PSMD7: variants seen among roughly 807,000 people sequenced by gnomAD.
PSMD7 encodes 26S proteasome non-ATPase regulatory subunit 7.
PSMD7 carries 13 observed loss-of-function variants against 36.4 expected under a neutral mutation model. The ratio of observed to expected loss-of-function variants is 0.36; its 90% CI spans 0.23 to 0.57. The LOEUF is 0.57. Ranked by LOEUF, PSMD7 falls within the 20% of genes least tolerant of loss-of-function variation. The probability of loss-of-function intolerance (pLI) is 0.83; values close to 1 mark genes in which losing one functional copy is unlikely to be tolerated. For missense variants in PSMD7, 298 were observed against 393.6 expected (o/e 0.76, Z 2.06); for synonymous variants, 186 against 151.0 (o/e 1.23, Z -1.70).
At chr16:74,299,662 G>A (rs572482630) in intron 1 of PSMD7, 126 of 421,388 alleles carry the variant, frequency 3.0e-4, no homozygotes, top group Non-Finnish European at 5.4e-4. Flanking sequence ...TCGAAGTGCT[G>A]GGATTACAGG....
At position 74,301,083 on chromosome 16, in the gene PSMD7, T is replaced by C. The variant is rs575462071; in HGVS notation, c.198T>C (p.Ser66=). ...VPFDEDDKDD[S]VWFLDHDYLE... is the part of the protein sequence containing the mutation. ...TTGATGAAGATGACAAAGACGATTC[T>C]GTATGGTTTTTAGACCATGATTATT... is the stretch of plus-strand genomic sequence containing the variant. Residue 66 remains serine (S), a synonymous_variant, in exon 3 of 7, where the codon TCT becomes TCC. Transcript: ENST00000219313. 3 of 1,613,272 alleles carry C rather than the reference T, an allele frequency of 1.9e-6. No individual in the cohort carries two copies. Among genetic ancestry groups the C allele is most frequent in the African/African-American group, 2.7e-5 (2 of 75,034 alleles).
At chr16:74,301,706 CAAGT>C (rs2034156697) in intron 4 of PSMD7, 54 bp downstream of exon 4, 8 of 1,391,170 alleles carry the variant, frequency 5.8e-6, no homozygotes, top group African/African-American at 1.4e-5. Flanking sequence ...CCAGCCAGCT[CAAGT>C]AAGAGCATCC....
At position 74,296,874 on chromosome 16, in the gene PSMD7, G is replaced by T. The variant is rs754402117; in HGVS notation, c.-41G>T. 6.2e-7 allele frequency: 1 copy of T among 1,607,364 alleles called. No individual in the cohort carries two copies. The highest frequency in any genetic ancestry group is 8.5e-7 in the Non-Finnish European group (1 of 1,176,530). On this transcript the variant is annotated 5_prime_UTR_variant, in exon 1 of 7. Transcript: ENST00000219313. ...GACCGCTACTGCTGCCGGTGTTTGCGTGTGGCAGGGAGCCAGGCCTGGCGA... is the reference window on the plus strand; with the variant it reads ...GACCGCTACTGCTGCCGGTGTTTGCTTGTGGCAGGGAGCCAGGCCTGGCGA...
At chr16:74,297,736 C>G (rs2034124665) in intron 1 of PSMD7, among the ~76,000 whole-genome samples, 1 of 149,238 alleles carries the variant, frequency 6.7e-6, no homozygotes, top group Non-Finnish European at 1.5e-5. Context: ...GTGAATGATG[C>G]AAAGTGAATG....
chr16:74,302,262 A>G lies in PSMD7; in HGVS notation c.408A>G (p.Glu136=), dbSNP rs761321772. ...VKPKDLGLPT[E]AYISVEEVHD... ...CGAAGGACCTAGGGCTGCCTACAGA[A>G]GCGTACATTTCAGTGGAAGAAGTCC... The change falls in exon 5 of 7, where the codon GAA becomes GAG. Residue 136 remains glutamate (E), a synonymous_variant. Transcript: ENST00000219313. 1 of 1,614,120 alleles carries G rather than the reference A, an allele frequency of 6.2e-7. No homozygotes were observed. Among genetic ancestry groups the G allele is most frequent in the Non-Finnish European group, 8.5e-7 (1 of 1,179,998 alleles).
At position 74,305,021 on chromosome 16, in the gene PSMD7, C is replaced by G. The variant is rs546395290; in HGVS notation, c.531-268C>G. 8 of 395,824 alleles carry G rather than the reference C, an allele frequency of 2.0e-5. No individual in the cohort carries two copies. In the South Asian group the frequency reaches 3.5e-4, roughly 17 times the overall value. 24.5% of individuals were successfully genotyped at this position (395,824 alleles called of 1,614,324 possible). A position where few individuals can be genotyped will look rare whatever the true frequency, so the allele number is the denominator to read the frequency against. On this transcript the variant is annotated intron_variant, in intron 6 of 6. Coordinates refer to ENST00000219313, the MANE Select transcript of PSMD7 (RefSeq NM_002811.5). ...TGTTGACCTAAGCAATTTTTTTTTC[C>G]TTAAGTGGAAATGGTTTTATTTTAG...
Position 74,302,194 on chromosome 16 carries a change from G to T in PSMD7, c.358-18G>T. 1 of 1,610,214 alleles carries T rather than the reference G, an allele frequency of 6.2e-7. No homozygotes were observed. The highest frequency in any genetic ancestry group is 8.5e-7 in the Non-Finnish European group (1 of 1,177,444). On this transcript the variant is annotated intron_variant, in intron 4 of 6. Transcript: ENST00000219313. ...TGCTGGGCGTGAGATGACTTGCTAA[G>T]ATGTGTTTCTCTGCCAGGTATTGGT...
chr16:74,304,515 C>T, intron 6 of PSMD7, 121 bp downstream of exon 6: 1 of 767,668 alleles, frequency 1.3e-6, no homozygotes, highest in Non-Finnish European at 2.1e-6. Context: ...ACTAACAAGT[C>T]TGCCATTCTG....
intron 6 of PSMD7, among the ~76,000 whole-genome samples, chr16:74,304,955 T>A (rs1168115768): frequency 1.3e-5 from 2 of 152,198 alleles, no homozygotes; most frequent in African/African-American, 2.4e-5. Context: ...AGAGACAGCT[T>A]CAGTACAAGG....
At chr16:74,300,077 C>T (rs762187200) in intron 1 of PSMD7, 38 bp from the exon 2 acceptor site, 26 of 1,542,594 alleles carry the variant, frequency 1.7e-5, no homozygotes, top group South Asian at 2.2e-5. Context: ...TGTTTCTGTG[C>T]GAGCCTATCC....
At chr16:74,302,171 C>G in intron 4 of PSMD7, 41 bp from the exon 5 acceptor site, 1 of 1,518,558 alleles carries the variant, frequency 6.6e-7, no homozygotes. Flanking sequence ...CCCTTTTGTG[C>G]TGGGCGTGAG....
At chr16:74,298,600 T>A (rs1257280809) in intron 1 of PSMD7, among the ~76,000 whole-genome samples, 1 of 152,206 alleles carries the variant, frequency 6.6e-6, no homozygotes, top group East Asian at 1.9e-4. Context: ...TGGTAGCACA[T>A]GCCTATAATC....
At position 74,296,920 on chromosome 16, in the gene PSMD7, G is replaced by A. The variant is rs1304854460; in HGVS notation, c.6G>A (p.Pro2=). 1 of 1,613,388 alleles carries A rather than the reference G, an allele frequency of 6.2e-7. No homozygotes were observed. The highest frequency in any genetic ancestry group is 1.1e-5 in the South Asian group (1 of 90,884). The change falls in exon 1 of 7, where the codon CCG becomes CCA. Residue 2 remains proline, a synonymous_variant. Transcript: ENST00000219313. The part of the protein sequence containing the change: M[P]ELAVQKVVVH... ...GGCGAGCGGGGTGTGTCGCGATGCC[G>A]GAGCTGGCAGTGCAGAAGGTGGTGG...
chr16:74,299,877 C>T (rs529927062), intron 1 of PSMD7: 2 of 551,432 alleles, frequency 3.6e-6, no homozygotes, highest in East Asian at 2.9e-5. Flanking sequence ...TTTTCCCAAG[C>T]ATGTATTACT....
chr16:74,296,979 ATT>A lies in PSMD7; in HGVS notation c.67_68del (p.Phe23GlnfsTer26). On this transcript the variant is annotated frameshift_variant, in exon 1 of 7. Coordinates refer to ENST00000219313, the MANE Select transcript of PSMD7 (RefSeq NM_002811.5). LOFTEE classifies it high-confidence loss of function. ...CTGGTGCTGCTCAGTGTGGTGGATC[ATT>A]TCAACCGGTGAGCGAGCGCCCTATA... 6.2e-7 allele frequency: 1 copy of A among 1,612,438 alleles called. No individual in the cohort carries two copies. The highest frequency in any genetic ancestry group is 8.5e-7 in the Non-Finnish European group (1 of 1,179,578).
chr16:74,302,297 G>A lies in PSMD7; in HGVS notation c.438+5G>A. 1 of 1,612,772 alleles carries A rather than the reference G, an allele frequency of 6.2e-7. No individual in the cohort carries two copies. Among genetic ancestry groups the A allele is most frequent in the Non-Finnish European group, 8.5e-7 (1 of 1,179,170 alleles). Reference sequence around the variant, plus strand: ...TCAGTGGAAGAAGTCCATGATGTAAGTCATCTTGCTATGAACCTGGGAGGT... The same window carrying A: ...TCAGTGGAAGAAGTCCATGATGTAAATCATCTTGCTATGAACCTGGGAGGT... On this transcript the variant is annotated splice_donor_5th_base_variant and intron_variant, in intron 5 of 6. Coordinates refer to ENST00000219313, the MANE Select transcript of PSMD7 (RefSeq NM_002811.5).
intron 3 of PSMD7, 86 bp from the exon 4 acceptor site, chr16:74,301,469 T>C: frequency 6.9e-6 from 7 of 1,010,254 alleles, no homozygotes; most frequent in East Asian, 2.4e-5. Flanking sequence ...GTAAAGGACA[T>C]AACTACTGAT....
chr16:74,301,776 T>C, intron 4 of PSMD7, 124 bp downstream of exon 4: 1 of 717,444 alleles, frequency 1.4e-6, no homozygotes, highest in Non-Finnish European at 2.4e-6. Context: ...AAACTTCTGT[T>C]GATTTGTAGT....
chr16:74,300,977 TA>T, intron 2 of PSMD7, 74 bp from the exon 3 acceptor site: 18 of 913,178 alleles, frequency 2.0e-5, no homozygotes, highest in Middle Eastern at 4.5e-4. Context: ...AGAACTGGCC[TA>T]GGGGTCTTCA....
Sources: gnomAD v4.1 joint callset for allele counts (sites outside exome capture counted in the v4.1 genomes callset) on GRCh38, gnomAD v4.1.1 for gene constraint, MANE v1.5 for transcripts, NCBI Gene and HGNC (gene_info 2026-07-23, HGNC 2026-07-21) for gene names.